Variants in DNAH14 observed in about 807,000 individuals in gnomAD.
The protein encoded by DNAH14 is dynein axonemal heavy chain 14, also known as axonemal beta dynein heavy chain 14.
In DNAH14, 478 loss-of-function variants were observed where a neutral mutation model predicts 520.9. The observed-to-expected ratio is 0.92, with a 90% CI of 0.85 to 0.99. The LOEUF is 0.99. DNAH14 is among the 50% of genes least tolerant of loss of function. The pLI is 0.00. For missense variants in DNAH14, 4,831 were observed against 5,234.5 expected, an observed-to-expected ratio of 0.92 and a Z score of 2.38; for synonymous variants, 1,581 against 1,757.2, an observed-to-expected ratio of 0.90 and a Z score of 2.51.
At chr1:224,999,352 G>T (rs1012792150) in intron 8 of DNAH14, among the ~76,000 whole-genome samples, 1 of 151,800 alleles carries the variant, frequency 6.6e-6, no homozygotes, top group African/African-American at 2.4e-5. Flanking sequence ...GATTACAGGC[G>T]CACACCACCA....
intron 61 of DNAH14, among the ~76,000 whole-genome samples, chr1:225,321,633 C>T (rs902828238): frequency 2.0e-5 from 3 of 152,196 alleles, no homozygotes; most frequent in Non-Finnish European, 4.4e-5. Flanking sequence ...CAGCAACCAT[C>T]ACCCCCTTGT....
At chr1:224,931,860 G>A in intron 1 of DNAH14, among the ~76,000 whole-genome samples, 1 of 152,042 alleles carries the variant, frequency 6.6e-6, no homozygotes, top group East Asian at 1.9e-4. Context: ...ATCCATCGAT[G>A]GGCACTTAGG....
chr1:225,191,906 A>G (rs1034265978), intron 37 of DNAH14, among the ~76,000 whole-genome samples: 19 of 151,762 alleles, frequency 1.3e-4, no homozygotes, highest in Non-Finnish European at 2.4e-4. Context: ...CCCTTTTATA[A>G]TTTCTGTATC....
chr1:225,284,127 C>A (rs2093686077), intron 54 of DNAH14, among the ~76,000 whole-genome samples: 1 of 151,808 alleles, frequency 6.6e-6, no homozygotes, highest in South Asian at 2.1e-4. Flanking sequence ...AAACCCAAAG[C>A]ATGCAGATGG....
chr1:225,112,455 G>T (rs2076556257), intron 23 of DNAH14, among the ~76,000 whole-genome samples: 1 of 151,964 alleles, frequency 6.6e-6, no homozygotes, highest in African/African-American at 2.4e-5. Context: ...GTCTTCTTTG[G>T]GTTAAATCTG....
intron 10 of DNAH14, among the ~76,000 whole-genome samples, chr1:225,020,531 CTA>C (rs998966845): frequency 7.7e-5 from 11 of 143,676 alleles, no homozygotes; most frequent in Non-Finnish European, 1.7e-4. Context: ...TCAAAGGCTA[CTA>C]TAAACACCTC....
intron 62 of DNAH14, 121 bp downstream of exon 62, chr1:225,322,944 C>G: frequency 9.6e-7 from 1 of 1,042,240 alleles, no homozygotes. Context: ...GAAAATAGCT[C>G]TATTCTTCCA....
At chr1:225,128,648 G>A (rs1168090529) in intron 27 of DNAH14, among the ~76,000 whole-genome samples, 1 of 151,692 alleles carries the variant, frequency 6.6e-6, no homozygotes, top group African/African-American at 2.4e-5. Flanking sequence ...AATAAATTAG[G>A]TATTGATGGG....
chr1:224,952,018 C>T (rs991668237), intron 1 of DNAH14, among the ~76,000 whole-genome samples: 1 of 152,202 alleles, frequency 6.6e-6, no homozygotes, highest in Admixed American at 6.5e-5. Context: ...GAAGCATATT[C>T]ACTTGCCAGC....
Position 225,206,906 on chromosome 1 carries a change from A to G in DNAH14, c.6187-62A>G. ...TGGTGAAGTAAAAAGAGAGTAAGATAGTAGAAGGATACCATATTTTTATTT... is the reference window on the plus strand; with the variant it reads ...TGGTGAAGTAAAAAGAGAGTAAGATGGTAGAAGGATACCATATTTTTATTT... On this transcript the variant is annotated intron_variant, in intron 40 of 85. Coordinates refer to ENST00000682510, the MANE Select transcript of DNAH14 (RefSeq NM_001367479.1). 4 of 1,336,464 alleles carry G rather than the reference A, an allele frequency of 3.0e-6. No homozygotes were observed. In the South Asian group the frequency reaches 7.1e-5, roughly 24 times the overall value. The allele number at this position is 1,336,464 out of a possible 1,614,324, so 82.8% of individuals were successfully genotyped here.
intron 16 of DNAH14, among the ~76,000 whole-genome samples, chr1:225,050,772 T>A (rs771951099): frequency 2.6e-5 from 4 of 152,210 alleles, no homozygotes; most frequent in Non-Finnish European, 4.4e-5. Flanking sequence ...TGAGGTCACA[T>A]ACTATATACC....
At chr1:225,333,588 G>A in intron 66 of DNAH14, 82 bp downstream of exon 66, 1 of 1,192,512 alleles carries the variant, frequency 8.4e-7, no homozygotes, top group Non-Finnish European at 1.2e-6. Context: ...TTCGGCCTTG[G>A]ATGTTGTCCC....
chr1:225,345,915 A>G, intron 69 of DNAH14, 47 bp from the exon 70 acceptor site: 1 of 1,444,228 alleles, frequency 6.9e-7, no homozygotes, highest in South Asian at 1.4e-5. Context: ...ATAGCCATTT[A>G]CTGTTACAAT....
At chr1:225,072,402 C>T (rs889456376) in intron 17 of DNAH14, among the ~76,000 whole-genome samples, 2 of 152,110 alleles carry the variant, frequency 1.3e-5, no homozygotes, top group Non-Finnish European at 2.9e-5. Context: ...TTACATTCTT[C>T]TCTTTACTGG....
intron 41 of DNAH14, among the ~76,000 whole-genome samples, chr1:225,208,603 G>C (rs938208151): frequency 6.6e-6 from 1 of 151,912 alleles, no homozygotes; most frequent in East Asian, 1.9e-4. Flanking sequence ...ATAAATAGAG[G>C]GGAAGAAATG....
intron 71 of DNAH14, among the ~76,000 whole-genome samples, chr1:225,347,186 T>C (rs1401002531): frequency 2.0e-5 from 3 of 152,208 alleles, no homozygotes. Context: ...TGCTGTGTTG[T>C]AAGTTTTAAG....
At chr1:225,296,363 T>C (rs1462267570) in intron 55 of DNAH14, among the ~76,000 whole-genome samples, 2 of 152,154 alleles carry the variant, frequency 1.3e-5, no homozygotes, top group Non-Finnish European at 2.9e-5. Context: ...CCTGGCCAAA[T>C]CTTTATCTTT....
rs2150090907 is a variant in DNAH14 at position 225,304,956 on chromosome 1, A to G, written c.8872A>G (p.Met2958Val). The G allele has an allele frequency of 5.2e-6, 8 of 1,539,968 alleles. No individual in the cohort carries two copies. The highest frequency in any genetic ancestry group is 7.0e-6 in the Non-Finnish European group (8 of 1,144,568). ...AACATGTGTCCAAATCCACAAAAGCATGAAAGACTTGAACAGAAAATACTT... is the reference window on the plus strand; with the variant it reads ...AACATGTGTCCAAATCCACAAAAGCGTGAAAGACTTGAACAGAAAATACTT... ...APTCVQIHKS[M>V]KDLNRKYFEE... is the part of the protein sequence containing the mutation. The change falls in exon 58 of 86, where the codon ATG becomes GTG. Residue 2958 changes from methionine to valine, a missense_variant. Met to Val is a conservative substitution (Grantham distance 21, BLOSUM62 1). Coordinates refer to ENST00000682510, the MANE Select transcript of DNAH14 (RefSeq NM_001367479.1).
At chr1:225,100,559 A>G (rs2075362629) in intron 22 of DNAH14, among the ~76,000 whole-genome samples, 154 bp from the exon 23 acceptor site, 1 of 152,222 alleles carries the variant, frequency 6.6e-6, no homozygotes, top group African/African-American at 2.4e-5. Context: ...TGTACATAAT[A>G]GGCACTTAAA....
Sources: gnomAD v4.1 joint callset for allele counts (sites outside exome capture counted in the v4.1 genomes callset) on GRCh38, gnomAD v4.1.1 for gene constraint, MANE v1.5 for transcripts, NCBI Gene and HGNC (gene_info 2026-07-23, HGNC 2026-07-21) for gene names.